Variants in TIAM1 observed in about 807,000 individuals in gnomAD.
TIAM1 encodes TIAM Rac1 associated GEF 1, also known as rho guanine nucleotide exchange factor TIAM1.
TIAM1 carries 65 observed loss-of-function variants against 163.5 expected under a neutral mutation model. That is an observed-to-expected ratio of 0.40 (90% CI 0.33 to 0.49). TIAM1 has a LOEUF of 0.49. TIAM1 is among the 20% of genes least tolerant of loss of function. The pLI, the probability that TIAM1 is intolerant of heterozygous loss-of-function variation, is 0.77. For missense variants in TIAM1, 1,789 were observed against 2,044.7 expected (o/e 0.87, Z 2.41); for synonymous variants, 833 against 810.1 (o/e 1.03, Z -0.48).
chr21:31,204,677 T>C lies in TIAM1; in HGVS notation c.2389-1665A>G, dbSNP rs989652782. On this transcript the variant is annotated intron_variant, in intron 11 of 27. Coordinates refer to ENST00000541036, the MANE Select transcript of TIAM1 (RefSeq NM_001353694.2). ...AACATAAATGCAGTCTTCAGGAGTG[T>C]CTGCAGCTGCAGGTAAAAGCTATGT... Among the ~76,000 whole-genome samples, 5 of 152,216 alleles carry C rather than the reference T, an allele frequency of 3.3e-5. 1 individual carries two copies. The highest frequency in any genetic ancestry group is 4.1e-4 in the South Asian group (2 of 4,832).
At chr21:31,383,798 T>C (rs1281011875) in intron 2 of TIAM1, among the ~76,000 whole-genome samples, 2 of 152,208 alleles carry the variant, frequency 1.3e-5, no homozygotes, top group Non-Finnish European at 2.9e-5. Context: ...CATTACAGTA[T>C]GTGGGGCACT....
At position 31,150,025 on chromosome 21, in the gene TIAM1, T is replaced by C. The variant is rs56333017; in HGVS notation, c.3366+2611A>G. 1.6e-3 allele frequency among the ~76,000 whole-genome samples: 245 copies of C among 152,292 alleles called. 1 individual carries two copies. Among genetic ancestry groups the C allele is most frequent in the Middle Eastern group, 0.01 (3 of 294 alleles). The stretch of plus-strand genomic sequence containing the variant: ...TGCATAATGTACACACATGCACATA[T>C]GGATACATATACACATAGGAGACAG... On this transcript the variant is annotated intron_variant, in intron 19 of 27. Transcript: ENST00000541036.
intron 10 of TIAM1, among the ~76,000 whole-genome samples, chr21:31,211,068 G>T (rs1569035703): frequency 6.6e-6 from 1 of 152,006 alleles, no homozygotes; most frequent in East Asian, 1.9e-4. Flanking sequence ...AGACAATTCA[G>T]TTTTCTGGAG....
chr21:31,514,784 G>C lies in TIAM1; in HGVS notation c.-422+44143C>G, dbSNP rs184933434. Among the ~76,000 whole-genome samples, 357 of 152,344 alleles carry C rather than the reference G, an allele frequency of 2.3e-3. 5 individuals are homozygous for C. The highest frequency in any genetic ancestry group is 8.3e-3 in the African/African-American group (346 of 41,590). ...TGCAGAGTGCACGCCTGGAGGTCTG[G>C]AGTGTGGTCCCTGCTGATGCAGCTG... On this transcript the variant is annotated intron_variant, in intron 1 of 28. Coordinates refer to the TIAM1 transcript ENST00000286827.
chr21:31,316,631 T>C (rs1055990957), intron 2 of TIAM1, among the ~76,000 whole-genome samples: 1 of 152,212 alleles, frequency 6.6e-6, no homozygotes, highest in African/African-American at 2.4e-5. Flanking sequence ...GTGATGGGCA[T>C]GCCTATGCCT....
Position 31,203,120 on chromosome 21 carries a change from G to T in TIAM1, c.2389-108C>A, listed in dbSNP as rs370627523. 238 of 885,470 alleles carry T rather than the reference G, an allele frequency of 2.7e-4. 1 individual carries two copies. The African/African-American group carries it at 3.2e-3, about 12-fold the overall frequency. The allele number at this position is 885,470 out of a possible 1,614,324, so 54.9% of individuals were successfully genotyped here. On this transcript the variant is annotated intron_variant, in intron 11 of 27. Coordinates refer to ENST00000541036, the MANE Select transcript of TIAM1 (RefSeq NM_001353694.2). ...ATTCCTATGACCAATAGAGTTTGTT[G>T]TTGTTGTTGTTGTTGTTTTGAGATG...
intron 2 of TIAM1, among the ~76,000 whole-genome samples, chr21:31,320,477 C>T (rs775459056): frequency 6.6e-6 from 1 of 152,112 alleles, no homozygotes; most frequent in Non-Finnish European, 1.5e-5. Context: ...CTTTACACTT[C>T]TGAATATCAT....
At chr21:31,491,149 A>AAAGGAAGGGAAGGAAGGG (rs57433074) in intron 1 of TIAM1, among the ~76,000 whole-genome samples, 32 of 151,466 alleles carry the variant, frequency 2.1e-4, no homozygotes, top group Non-Finnish European at 2.8e-4. Flanking sequence ...AGAACGAAAG[A>AAAGGAAGGGAAGGAAGGG]AAGGAAGGGA....
intron 6 of TIAM1, among the ~76,000 whole-genome samples, chr21:31,243,146 T>G (rs1190006563): frequency 6.9e-6 from 1 of 144,918 alleles, no homozygotes; most frequent in Non-Finnish European, 1.5e-5. Flanking sequence ...GAGCTGAGAT[T>G]GTGCCATTGC....
chr21:31,486,531 T>C (rs1448098280), intron 1 of TIAM1, among the ~76,000 whole-genome samples: 1 of 152,200 alleles, frequency 6.6e-6, no homozygotes, highest in Non-Finnish European at 1.5e-5. Context: ...GTCCGACAAA[T>C]ATTATGTGCC....
In TIAM1 at chr21:31,389,376, T is replaced by C. The variant is rs532787499; in HGVS notation, c.-368-49954A>G. On this transcript the variant is annotated intron_variant, in intron 2 of 28. Coordinates refer to the TIAM1 transcript ENST00000286827. ...GGTGCCTTCCACCACACCCAGCTAA[T>C]TTTAGTATTTTTAGTAGAGACAGGG... Among the ~76,000 whole-genome samples, 58 of 152,174 alleles carry C rather than the reference T, an allele frequency of 3.8e-4. 1 individual carries two copies. In the South Asian group the frequency reaches 0.012, roughly 31 times the overall value.
chr21:31,363,403 C>T (rs556233288), intron 2 of TIAM1, among the ~76,000 whole-genome samples: 6 of 152,046 alleles, frequency 3.9e-5, no homozygotes, highest in South Asian at 2.1e-4. Flanking sequence ...CTAACAGGAC[C>T]GGGATTTTGT....
At chr21:31,325,547 A>G (rs1414102888) in intron 2 of TIAM1, among the ~76,000 whole-genome samples, 2 of 151,850 alleles carry the variant, frequency 1.3e-5, no homozygotes, top group Non-Finnish European at 2.9e-5. Context: ...GCTCACCTGT[A>G]ATCCCAGCTA....
intron 19 of TIAM1, among the ~76,000 whole-genome samples, chr21:31,150,024 A>G (rs2083304149): frequency 6.6e-6 from 1 of 152,226 alleles, no homozygotes; most frequent in Non-Finnish European, 1.5e-5. Context: ...ACATGCACAT[A>G]TGGATACATA....
chr21:31,284,915 G>A (rs995007058), intron 2 of TIAM1, among the ~76,000 whole-genome samples: 5 of 152,022 alleles, frequency 3.3e-5, no homozygotes, highest in East Asian at 1.9e-4. Flanking sequence ...AAAAGGCACC[G>A]CAAGGGACTC....
At chr21:31,489,154 G>C (rs1327379600) in intron 1 of TIAM1, among the ~76,000 whole-genome samples, 1 of 108,138 alleles carries the variant, frequency 9.2e-6, no homozygotes, top group Non-Finnish European at 1.9e-5. Flanking sequence ...AGGAATGCTT[G>C]AGTCTAGGAG....
At chr21:31,389,702 C>T (rs9983662) in intron 2 of TIAM1, among the ~76,000 whole-genome samples, 23,163 of 152,184 alleles carry the variant, frequency 0.15, 1,887 homozygotes, top group Middle Eastern at 0.35. Flanking sequence ...ACCATTTAAT[C>T]TCTTATTTTC....
chr21:31,430,899 C>T (rs16988268), intron 2 of TIAM1, among the ~76,000 whole-genome samples: 8,241 of 152,172 alleles, frequency 0.054, 752 homozygotes, highest in African/African-American at 0.19. Context: ...CTGCTAAAAA[C>T]ATCTTTGGTT....
intron 1 of TIAM1, among the ~76,000 whole-genome samples, chr21:31,541,613 T>C (rs2048325600): frequency 6.6e-6 from 1 of 151,980 alleles, no homozygotes; most frequent in South Asian, 2.1e-4. Flanking sequence ...AATATGAGGA[T>C]AAAGTGGCTA....
Sources: allele counts gnomAD v4.1 joint callset (sites outside exome capture counted in the v4.1 genomes callset), GRCh38; gene constraint gnomAD v4.1.1; transcripts MANE v1.5; gene names NCBI Gene and HGNC (gene_info 2026-07-23, HGNC 2026-07-21).